Variants in DAG1 observed in about 807,000 individuals in gnomAD.
DAG1 encodes the protein dystroglycan 1 (dystrophin-associated glycoprotein 1).
Under a neutral mutation model 46.1 loss-of-function variants are expected in DAG1, and 8 were observed. The observed-to-expected ratio is 0.17, with a 90% CI of 0.10 to 0.31. The LOEUF (loss-of-function observed/expected upper bound fraction) is 0.31, where lower values mean the gene tolerates loss of function less well. DAG1 is among the 10% of genes least tolerant of loss of function. DAG1 has a pLI of 1.00. For synonymous variants in DAG1, 495 were observed against 481.8 expected, an observed-to-expected ratio of 1.03 and a Z score of -0.36; for missense variants, 1,003 against 1,189.9, an observed-to-expected ratio of 0.84 and a Z score of 2.31.
At chr3:49,479,249 C>A (rs1303350453) in intron 1 of DAG1, among the ~76,000 whole-genome samples, 1 of 152,072 alleles carries the variant, frequency 6.6e-6, no homozygotes, top group Non-Finnish European at 1.5e-5. Context: ...GTGATCCCCC[C>A]TGATTCCTGG....
At chr3:49,502,929 G>A (rs1183421268) in intron 1 of DAG1, among the ~76,000 whole-genome samples, 2 of 152,072 alleles carry the variant, frequency 1.3e-5, no homozygotes, top group Non-Finnish European at 1.5e-5. Context: ...GAGTCACCGC[G>A]CCCGGCCAGC....
intron 2 of DAG1, among the ~76,000 whole-genome samples, chr3:49,528,275 A>ATGTTTTTTTTTTTTTTTTTT (rs2051239280): frequency 1.5e-5 from 1 of 66,660 alleles, no homozygotes; most frequent in African/African-American, 6.9e-5. Flanking sequence ...AAATAGTGTG[A>ATGTTTTTTTTTTTTTTTTTT]TTTTTTTTTT....
intron 1 of DAG1, among the ~76,000 whole-genome samples, chr3:49,498,400 A>ATT (rs533054500): frequency 6.8e-6 from 1 of 146,600 alleles, no homozygotes; most frequent in Non-Finnish European, 1.5e-5. Flanking sequence ...GACATTTGCC[A>ATT]TTTTTTTTTT....
intron 2 of DAG1, among the ~76,000 whole-genome samples, chr3:49,520,915 G>C (rs903889248): frequency 2.0e-5 from 3 of 152,116 alleles, no homozygotes; most frequent in Non-Finnish European, 4.4e-5. Flanking sequence ...GATACAGCTT[G>C]TGTTTTCTTG....
rs2107947164 is a variant in DAG1, at chr3:49,532,480, G to C, written c.1969G>C (p.Val657Leu). The change falls in exon 3 of 3, where the codon GTG becomes CTG. Residue 657 changes from valine (V) to leucine (L), a missense_variant. Physicochemically the swap from Val to Leu is conservative, Grantham distance 32. This residue lies in a region of DAG1 where 755 missense variants were observed against 854.1 expected (regional missense o/e 0.88). Coordinates refer to ENST00000308775, the MANE Select transcript of DAG1 (RefSeq NM_004393.6). This position sits in a 1 kb window ranked among gnomAD's most constrained non-coding sequence, Gnocchi z 5.4. Reference protein sequence around the residue: ...LQNITRGSIVVEWTNNTLPLE... With the variant: ...LQNITRGSIVLEWTNNTLPLE... ...GAATATCACCCGGGGCTCCATCGTG[G>C]TGGAATGGACCAACAACACACTGCC... The C allele has an allele frequency of 1.2e-6, 2 of 1,614,214 alleles. No individual in the cohort carries two copies. Among genetic ancestry groups the C allele is most frequent in the Non-Finnish European group, 1.7e-6 (2 of 1,180,028 alleles).
chr3:49,530,256 T>C (rs748250452), intron 2 of DAG1, among the ~76,000 whole-genome samples: 49 of 152,210 alleles, frequency 3.2e-4, no homozygotes, highest in African/African-American at 1.1e-3. Context: ...ATGTGAGTCC[T>C]TCAGAGCGTT....
At chr3:49,517,086 C>T (rs2050918789) in intron 2 of DAG1, among the ~76,000 whole-genome samples, 1 of 150,358 alleles carries the variant, frequency 6.7e-6, no homozygotes, top group Admixed American at 6.7e-5. Context: ...CTCCGTCTCC[C>T]AGGTTCATGC....
intron 1 of DAG1, among the ~76,000 whole-genome samples, chr3:49,495,643 C>T (rs1051272648): frequency 2.0e-5 from 3 of 151,996 alleles, no homozygotes; most frequent in Non-Finnish European, 2.9e-5. Flanking sequence ...CAGTTAGGGC[C>T]GGGCACAGTG....
At chr3:49,516,707 CTTCCT>C in intron 2 of DAG1, among the ~76,000 whole-genome samples, 1 of 152,308 alleles carries the variant, frequency 6.6e-6, no homozygotes, top group Non-Finnish European at 1.5e-5. Flanking sequence ...TCATTAAGTG[CTTCCT>C]TACTTTCTGG....
intron 1 of DAG1, among the ~76,000 whole-genome samples, chr3:49,479,243 T>TC (rs1559547112): frequency 1.3e-5 from 2 of 151,830 alleles, no homozygotes; most frequent in Non-Finnish European, 2.9e-5. Context: ...ACAGTTGTGA[T>TC]CCCCCCTGAT....
At chr3:49,505,091 C>T (rs1162932009) in intron 1 of DAG1, among the ~76,000 whole-genome samples, 1 of 151,450 alleles carries the variant, frequency 6.6e-6, no homozygotes, top group African/African-American at 2.4e-5. Flanking sequence ...ACCTGCTGGG[C>T]TCAAGCGATC....
At position 49,533,528 on chromosome 3, in the gene DAG1, A is replaced by G; in HGVS notation, c.*329A>G. The G allele has an allele frequency of 1.9e-6, 1 of 534,180 alleles. No individual in the cohort carries two copies. Among genetic ancestry groups the G allele is most frequent in the African/African-American group, 1.9e-5 (1 of 52,612 alleles). 33.1% of individuals were successfully genotyped at this position (534,180 alleles called of 1,614,324 possible). On this transcript the variant is annotated 3_prime_UTR_variant, in exon 3 of 3. Transcript: ENST00000308775. ...GGAGGGAGCGAGGAACCATGAATGA[A>G]CTCGCAGGCAGTGCCGGGCGGCCCC...
chr3:49,501,577 C>T (rs896824267), intron 1 of DAG1, among the ~76,000 whole-genome samples: 5 of 152,002 alleles, frequency 3.3e-5, no homozygotes, highest in South Asian at 2.1e-4. Flanking sequence ...TTTGGGAGGC[C>T]GAGGTGGGCA....
At chr3:49,484,945 C>T (rs140787977) in intron 1 of DAG1, among the ~76,000 whole-genome samples, 8 of 151,632 alleles carry the variant, frequency 5.3e-5, no homozygotes, top group South Asian at 2.1e-4. Context: ...TACAGATGCG[C>T]GCCACCACAT....
At chr3:49,512,704 A>G (rs1455897359) in intron 2 of DAG1, among the ~76,000 whole-genome samples, 1 of 149,402 alleles carries the variant, frequency 6.7e-6, no homozygotes. Flanking sequence ...GTGATGACTT[A>G]CACCTGTAAT....
intron 1 of DAG1, among the ~76,000 whole-genome samples, chr3:49,508,498 A>G (rs2050672126): frequency 6.6e-6 from 1 of 152,092 alleles, no homozygotes; most frequent in South Asian, 2.1e-4. Flanking sequence ...TACCAGGTTC[A>G]AGGGATTCTC....
At chr3:49,530,734 G>A in intron 2 of DAG1, 63 bp from the exon 3 acceptor site, 1 of 1,611,710 alleles carries the variant, frequency 6.2e-7, no homozygotes, top group Non-Finnish European at 8.5e-7. Context: ...GTTAACTGTT[G>A]TGATCATATT....
intron 2 of DAG1, among the ~76,000 whole-genome samples, chr3:49,512,117 A>T (rs2050776096): frequency 6.6e-6 from 1 of 150,988 alleles, no homozygotes; most frequent in African/African-American, 2.4e-5. Context: ...CTGCAGCCTT[A>T]ACCTCCCAGG....
At chr3:49,521,110 G>C (rs2051014450) in intron 2 of DAG1, among the ~76,000 whole-genome samples, 1 of 152,074 alleles carries the variant, frequency 6.6e-6, no homozygotes, top group Non-Finnish European at 1.5e-5. Flanking sequence ...CTTGGGGTGA[G>C]AGACTTTGCT....
Sources: gnomAD v4.1 joint callset for allele counts (sites outside exome capture counted in the v4.1 genomes callset) on GRCh38, gnomAD v4.1.1 for gene constraint, gnomAD v4.1.1 regional missense constraint, Gnocchi (gnomAD v3.1) non-coding constraint, MANE v1.5 for transcripts, NCBI Gene and HGNC (gene_info 2026-07-23, HGNC 2026-07-21) for gene names.